PCDHGA6: variants seen among roughly 807,000 people sequenced by gnomAD.
The protein encoded by PCDHGA6 is protocadherin gamma-A6.
Under a neutral mutation model 60.6 loss-of-function variants are expected in PCDHGA6, and 41 were observed. The ratio of observed to expected loss-of-function variants is 0.68; its 90% CI spans 0.53 to 0.88. The LOEUF (loss-of-function observed/expected upper bound fraction) is 0.88. PCDHGA6 is among the 40% of genes least tolerant of loss of function. The probability of loss-of-function intolerance (pLI) is 0.00; values close to 1 mark genes in which losing one functional copy is unlikely to be tolerated. For missense variants in PCDHGA6, 1,312 were observed against 1,203.0 expected (o/e 1.09, Z -1.34); for synonymous variants, 594 against 524.4 (o/e 1.13, Z -1.81).
intron 1 of PCDHGA6, chr5:141,383,000 C>T (rs1330577304): frequency 6.2e-7 from 1 of 1,613,646 alleles, no homozygotes; most frequent in Non-Finnish European, 8.5e-7. Context: ...ATTCTCTACT[C>T]CGTGTCGGAG....
intron 1 of PCDHGA6, among the ~76,000 whole-genome samples, chr5:141,483,875 AT>A (rs2154580008): frequency 6.6e-6 from 1 of 151,964 alleles, no homozygotes; most frequent in Admixed American, 6.6e-5. Context: ...ATCAGGATGG[AT>A]TTTTCTATTT....
At chr5:141,423,257 G>A in intron 1 of PCDHGA6, 2 of 1,613,946 alleles carry the variant, frequency 1.2e-6, no homozygotes, top group Non-Finnish European at 1.7e-6. Context: ...GCGGACCTCG[G>A]CAGCCTCGAG....
intron 2 of PCDHGA6, among the ~76,000 whole-genome samples, chr5:141,498,872 G>T (rs912789877): frequency 1.4e-4 from 21 of 151,650 alleles, no homozygotes; most frequent in Non-Finnish European, 2.9e-4. Flanking sequence ...GGCGGAGGTT[G>T]CAGTGAGCTG....
chr5:141,493,336 A>G lies in PCDHGA6; in HGVS notation c.2425-1471A>G, dbSNP rs1049621539. Among the ~76,000 whole-genome samples, 4 of 152,202 alleles carry G rather than the reference A, an allele frequency of 2.6e-5. No homozygotes were observed. Among genetic ancestry groups the G allele is most frequent in the African/African-American group, 9.7e-5 (4 of 41,450 alleles). On this transcript the variant is annotated intron_variant, in intron 1 of 3. Transcript: ENST00000517434. The surrounding 1 kb of genome is among the most constrained non-coding windows in gnomAD (Gnocchi z 4.3). ...GAGATTCTAACCCCTGTCTAACTCC[A>G]GAATGTGTGCTTTTAATTTCTTGGC...
In PCDHGA6 at chr5:141,388,444, A is replaced by G. The variant is rs1034138913; in HGVS notation, c.2424+11937A>G. 28 of 1,613,890 alleles carry G rather than the reference A, an allele frequency of 1.7e-5. No individual in the cohort carries two copies. Among genetic ancestry groups the G allele is most frequent in the Non-Finnish European group, 2.4e-5 (28 of 1,179,886 alleles). Reference sequence around the variant, plus strand: ...TCACTGATAAATAAAGAGAAATCAGATGGCAGTAAATACCCTGAGATGGTA... The same window carrying G: ...TCACTGATAAATAAAGAGAAATCAGGTGGCAGTAAATACCCTGAGATGGTA... On this transcript the variant is annotated intron_variant, in intron 1 of 3. Transcript: ENST00000517434.
Position 141,423,508 on chromosome 5 carries a change from A to T in PCDHGA6, c.2424+47001A>T, listed in dbSNP as rs962526072. ...AACCTATTCCCACGAGGTCTCTCTCATTGCGGACTCGCAGAAGAGTCACCT... is the reference window on the plus strand; with the variant it reads ...AACCTATTCCCACGAGGTCTCTCTCTTTGCGGACTCGCAGAAGAGTCACCT... On this transcript the variant is annotated intron_variant, in intron 1 of 3. Coordinates refer to ENST00000517434, the MANE Select transcript of PCDHGA6 (RefSeq NM_018919.3). The T allele has an allele frequency of 9.9e-6, 16 of 1,613,742 alleles. No homozygotes were observed. The highest frequency in any genetic ancestry group is 1.6e-4 in the Middle Eastern group (1 of 6,084).
Position 141,375,184 on chromosome 5 carries a change from C to A in PCDHGA6, c.1101C>A (p.Ala367=), listed in dbSNP as rs757225197. 1.4e-5 allele frequency: 23 copies of A among 1,613,856 alleles called. No individual in the cohort carries two copies. Among genetic ancestry groups the A allele is most frequent in the Middle Eastern group, 1.6e-4 (1 of 6,084 alleles). ...GTGCACCTCCAGGAACAGTAATCGCCCTTTTTCAAGTGTTCGATCGAGACT... is the reference window on the plus strand; with the variant it reads ...GTGCACCTCCAGGAACAGTAATCGCACTTTTTCAAGTGTTCGATCGAGACT... ...AESAPPGTVI[A]LFQVFDRDSG... Residue 367 remains alanine (A), a synonymous_variant, in exon 1 of 4, where the codon GCC becomes GCA. Coordinates refer to ENST00000517434, the MANE Select transcript of PCDHGA6 (RefSeq NM_018919.3).
Position 141,511,913 on chromosome 5 carries a change from A to G in PCDHGA6, c.*740A>G, listed in dbSNP as rs1190072814. On this transcript the variant is annotated 3_prime_UTR_variant, in exon 4 of 4. Coordinates refer to ENST00000517434, the MANE Select transcript of PCDHGA6 (RefSeq NM_018919.3). ...CCCCCACCTCCTCCTCAAACAAGAG[A>G]CTCCACTGCATGTTCCAAGACAGTA... is the stretch of plus-strand genomic sequence containing the variant. The G allele has an allele frequency of 6.4e-6, 1 of 156,050 alleles. No individual in the cohort carries two copies. The highest frequency in any genetic ancestry group is 2.4e-5 in the African/African-American group (1 of 41,402). The allele number at this position is 156,050 out of a possible 1,614,324, so 9.7% of individuals were successfully genotyped here.
Position 141,399,953 on chromosome 5 carries a change from A to G in PCDHGA6, c.2424+23446A>G, listed in dbSNP as rs1257117587. ...TCCTACCACGTGCTGCAGGCTAGCGAGCCCGGGCTCTTCAGCCTGGGGCTG... is the reference window on the plus strand; with the variant it reads ...TCCTACCACGTGCTGCAGGCTAGCGGGCCCGGGCTCTTCAGCCTGGGGCTG... On this transcript the variant is annotated intron_variant, in intron 1 of 3. Coordinates refer to ENST00000517434, the MANE Select transcript of PCDHGA6 (RefSeq NM_018919.3). The G allele has an allele frequency of 2.5e-5, 40 of 1,612,030 alleles. 1 individual carries two copies. Among genetic ancestry groups the G allele is most frequent in the Non-Finnish European group, 3.4e-5 (40 of 1,179,690 alleles).
chr5:141,413,806 A>C, intron 1 of PCDHGA6: 1 of 1,613,168 alleles, frequency 6.2e-7, no homozygotes. Flanking sequence ...GGAAGAGGCC[A>C]TTCACCACCT....
chr5:141,382,666 G>A (rs910632221), intron 1 of PCDHGA6: 20 of 422,596 alleles, frequency 4.7e-5, no homozygotes, highest in African/African-American at 3.6e-4. Flanking sequence ...TCACAGCGCC[G>A]CTGTTCACCA....
intron 1 of PCDHGA6, chr5:141,390,094 T>G: frequency 1.2e-6 from 2 of 1,614,048 alleles, no homozygotes; most frequent in Non-Finnish European, 1.7e-6. Flanking sequence ...GAATCCGTGG[T>G]TCCCCCCAAC....
Position 141,486,747 on chromosome 5 carries a change from A to G in PCDHGA6, c.2425-8060A>G, listed in dbSNP as rs750666508. The G allele has an allele frequency of 3.1e-6, 5 of 1,614,210 alleles. No homozygotes were observed. The highest frequency in any genetic ancestry group is 4.2e-6 in the Non-Finnish European group (5 of 1,180,034). On this transcript the variant is annotated intron_variant, in intron 1 of 3. Transcript: ENST00000517434. This position sits in a 1 kb window ranked among gnomAD's most constrained non-coding sequence, Gnocchi z 5.0. Reference sequence around the variant, plus strand: ...GTTCATGCTACTCGATCCTTTGACTATGAGCAAACCCAGACACTGCAGTTT... The same window carrying G: ...GTTCATGCTACTCGATCCTTTGACTGTGAGCAAACCCAGACACTGCAGTTT...
intron 1 of PCDHGA6, among the ~76,000 whole-genome samples, chr5:141,474,000 C>T (rs2099336161): frequency 6.6e-6 from 1 of 152,076 alleles, no homozygotes. Context: ...GCCCAAGGAG[C>T]TGGAAGTTAC....
chr5:141,459,947 A>T (rs2098978538), intron 1 of PCDHGA6, among the ~76,000 whole-genome samples: 1 of 152,200 alleles, frequency 6.6e-6, no homozygotes, highest in African/African-American at 2.4e-5. Context: ...GCGTGATGGC[A>T]GGTGCCTGTA....
rs2099750805 is a variant in PCDHGA6, at chr5:141,493,915, T to C, written c.2425-892T>C. ...TGCTCCATGAGAGTGTGTGATGGGA[T>C]AACACACCCCCTGGAAAGACCAGAA... On this transcript the variant is annotated intron_variant, in intron 1 of 3. Transcript: ENST00000517434. This position sits in a 1 kb window ranked among gnomAD's most constrained non-coding sequence, Gnocchi z 4.3. Among the ~76,000 whole-genome samples, 1 of 152,024 alleles carries C rather than the reference T, an allele frequency of 6.6e-6. No homozygotes were observed. Among genetic ancestry groups the C allele is most frequent in the African/African-American group, 2.4e-5 (1 of 41,386 alleles).
chr5:141,477,519 A>C lies in PCDHGA6; in HGVS notation c.2425-17288A>C, dbSNP rs1255751458. 1 of 1,614,174 alleles carries C rather than the reference A, an allele frequency of 6.2e-7. No individual in the cohort carries two copies. The highest frequency in any genetic ancestry group is 2.2e-5 in the East Asian group (1 of 44,882). Reference sequence around the variant, plus strand: ...TCTTCCTACGACGTTTACATTGAAGAAAACAACCTCCCCGGGGCTCCAATA... The same window carrying C: ...TCTTCCTACGACGTTTACATTGAAGCAAACAACCTCCCCGGGGCTCCAATA... On this transcript the variant is annotated intron_variant, in intron 1 of 3. Transcript: ENST00000517434. The surrounding 1 kb of genome is among the most constrained non-coding windows in gnomAD (Gnocchi z 4.9).
At chr5:141,416,652 A>T (rs1028914487) in intron 1 of PCDHGA6, 1 of 152,240 alleles carries the variant, frequency 6.6e-6, no homozygotes, top group Non-Finnish European at 1.5e-5. Context: ...ACAGCTGTAA[A>T]AAAGAAAAGA....
At chr5:141,385,539 T>C in intron 1 of PCDHGA6, 1 of 1,340,130 alleles carries the variant, frequency 7.5e-7, no homozygotes, top group East Asian at 2.8e-5. Flanking sequence ...TATGAATATG[T>C]GGACTATCAC....
Sources: gnomAD v4.1 joint callset for allele counts (sites outside exome capture counted in the v4.1 genomes callset) on GRCh38, gnomAD v4.1.1 for gene constraint, Gnocchi (gnomAD v3.1) non-coding constraint, MANE v1.5 for transcripts, NCBI Gene and HGNC (gene_info 2026-07-23, HGNC 2026-07-21) for gene names.